Variants in MKKS observed in about 807,000 individuals in gnomAD.
MKKS encodes the protein MKKS centrosomal shuttling protein, also known as molecular chaperone MKKS.
MKKS carries 29 observed loss-of-function variants against 33.2 expected under a neutral mutation model. The observed-to-expected ratio is 0.87, with a 90% CI of 0.65 to 1.19. The LOEUF is 1.19. Ranked by LOEUF, MKKS falls within the 50% of genes most tolerant of loss-of-function variation. The pLI is 0.00. For missense variants in MKKS, 661 were observed against 662.3 expected (o/e 1.00, Z 0.02); for synonymous variants, 260 against 244.0 (o/e 1.07, Z -0.61).
At chr20:10,406,754 A>AC (rs113612087) in intron 5 of MKKS, among the ~76,000 whole-genome samples, 21,992 of 152,196 alleles carry the variant, frequency 0.14, 1,777 homozygotes, top group East Asian at 0.24. Flanking sequence ...TCTCTAGTTT[A>AC]TCAATTCCAT....
At chr20:10,427,930 G>A (rs1198986173) in intron 1 of MKKS, among the ~76,000 whole-genome samples, 6 of 152,210 alleles carry the variant, frequency 3.9e-5, no homozygotes, top group East Asian at 3.8e-4. Flanking sequence ...TGCTAACAGC[G>A]TAACTGAGTC....
chr20:10,408,755 C>T lies in MKKS; in HGVS notation c.1034G>A (p.Gly345Glu), dbSNP rs779116830. The T allele has an allele frequency of 7.4e-6, 12 of 1,613,828 alleles. No homozygotes were observed. In the South Asian group the frequency reaches 7.7e-5, roughly 10 times the overall value. The change falls in exon 4 of 6, where the codon GGA (glycine) becomes GAA (glutamate). Residue 345 changes from glycine to glutamate, a missense_variant. Gly to Glu is a moderately conservative substitution (Grantham distance 98). Coordinates refer to ENST00000347364, the MANE Select transcript of MKKS (RefSeq NM_170784.3). ...SLGSICPNSY[G>E]SVKDVCTAKF... ...TGCAGTGCACACATCTTTCACACTT[C>T]CATAACTATTAGGACATATTGAGCC... is the stretch of plus-strand genomic sequence containing the variant.
In MKKS at chr20:10,413,044, T is replaced by C; in HGVS notation, c.471A>G (p.Ile157Met). ...TQILLCLVRS[I>M]LTSKPACMLT... The stretch of plus-strand genomic sequence containing the variant: ...GCATACAGGCAGGTTTACTTGTTAA[T>C]ATACTACGCACCAAACAAAGGAGGA... Residue 157 changes from isoleucine (I) to methionine (M), a missense_variant, in exon 3 of 6, where the codon ATA becomes ATG. Coordinates refer to ENST00000347364, the MANE Select transcript of MKKS (RefSeq NM_170784.3). 6.2e-7 allele frequency: 1 copy of C among 1,614,062 alleles called. No homozygotes were observed. The highest frequency in any genetic ancestry group is 1.3e-5 in the African/African-American group (1 of 75,052).
Position 10,413,628 on chromosome 20 carries a change from G to T in MKKS, c.-114C>A, listed in dbSNP as rs1266242423. 2 of 1,187,468 alleles carry T rather than the reference G, an allele frequency of 1.7e-6. No homozygotes were observed. The highest frequency in any genetic ancestry group is 1.8e-5 in the Admixed American group (1 of 56,672). The allele number at this position is 1,187,468 out of a possible 1,614,324, so 73.6% of individuals were successfully genotyped here. On this transcript the variant is annotated 5_prime_UTR_variant, in exon 3 of 6. Transcript: ENST00000347364. ...AATTATTCTTTAGGAATTAAAGTAT[G>T]AATATGCAGCATTGTGGCTATAAAA... is the stretch of plus-strand genomic sequence containing the variant.
At chr20:10,429,783 A>G (rs6077783) in intron 1 of MKKS, among the ~76,000 whole-genome samples, 72,781 of 151,932 alleles carry the variant, frequency 0.48, 18,297 homozygotes, top group Non-Finnish European at 0.56. Flanking sequence ...TCCTTGCTTC[A>G]ATTCCAGTAG....
intron 1 of MKKS, among the ~76,000 whole-genome samples, chr20:10,433,883 C>T (rs949489087): frequency 2.0e-5 from 3 of 152,226 alleles, no homozygotes; most frequent in Non-Finnish European, 4.4e-5. Flanking sequence ...TCCTCGCCGC[C>T]CGCATCCGTG....
At chr20:10,432,702 G>A (rs1170196344) in intron 1 of MKKS, among the ~76,000 whole-genome samples, 1 of 146,858 alleles carries the variant, frequency 6.8e-6, no homozygotes, top group Non-Finnish European at 1.5e-5. Flanking sequence ...GGCTAAGGCA[G>A]GGAGAATTGC....
intron 1 of MKKS, among the ~76,000 whole-genome samples, chr20:10,429,758 C>G (rs141528691): frequency 1.3e-5 from 2 of 152,132 alleles, no homozygotes; most frequent in African/African-American, 4.8e-5. Flanking sequence ...CAGACCCTCG[C>G]GCCCTCACAT....
chr20:10,409,181 G>A (rs971870142), intron 3 of MKKS, among the ~76,000 whole-genome samples: 4 of 151,612 alleles, frequency 2.6e-5, no homozygotes, highest in South Asian at 2.1e-4. Context: ...TTTGGATTAC[G>A]GGTGATGTGA....
chr20:10,430,650 T>C (rs1483090172), intron 1 of MKKS, among the ~76,000 whole-genome samples: 2 of 152,146 alleles, frequency 1.3e-5, no homozygotes, highest in Non-Finnish European at 2.9e-5. Flanking sequence ...CAGAGGTCTT[T>C]GGGGTTTGAC....
At chr20:10,423,827 T>G (rs973247401) in intron 1 of MKKS, among the ~76,000 whole-genome samples, 4 of 152,232 alleles carry the variant, frequency 2.6e-5, no homozygotes, top group Admixed American at 2.0e-4. Context: ...CTATTTTAAC[T>G]GAAAACTCTA....
At position 10,403,857 on chromosome 20, in the gene MKKS, G is replaced by C. The variant is rs2064824191; in HGVS notation, c.*1390C>G. ...AAATATTTTATGAGACTTCAGGTGG[G>C]GCTGATACCTAACATATATGGATGG... On this transcript the variant is annotated 3_prime_UTR_variant, in exon 6 of 6. Coordinates refer to ENST00000347364, the MANE Select transcript of MKKS (RefSeq NM_170784.3). 6.6e-6 allele frequency: 1 copy of C among 152,140 alleles called. No individual in the cohort carries two copies. The highest frequency in any genetic ancestry group is 2.1e-4 in the South Asian group (1 of 4,824). 9.4% of individuals were successfully genotyped at this position (152,140 alleles called of 1,614,324 possible). A position where few individuals can be genotyped will look rare whatever the true frequency, so the allele number is the denominator to read the frequency against.
intron 1 of MKKS, among the ~76,000 whole-genome samples, chr20:10,421,825 A>G (rs1244183500): frequency 6.6e-6 from 1 of 151,886 alleles, no homozygotes; most frequent in Non-Finnish European, 1.5e-5. Context: ...AGTAGGGCCC[A>G]GAAAGATGCT....
rs886056502 is a variant in MKKS at position 10,420,591 on chromosome 20, A to T, written c.-481T>A. ...TCTTCTGAAGATTTGAAAGTCCCAG[A>T]CTATCTTGCTCAGGAATGTCGTCGT... On this transcript the variant is annotated 5_prime_UTR_variant, in exon 2 of 6. Transcript: ENST00000347364. The T allele has an allele frequency of 6.6e-6, 1 of 152,234 alleles. No homozygotes were observed. The highest frequency in any genetic ancestry group is 6.5e-5 in the Admixed American group (1 of 15,278). The allele number at this position is 152,234 out of a possible 1,614,324, so 9.4% of individuals were successfully genotyped here. A position where few individuals can be genotyped will look rare whatever the true frequency, so the allele number is the denominator to read the frequency against.
rs966281383 is a variant in MKKS, at chr20:10,413,161, T to C, written c.354A>G (p.Arg118=). ...AAAGACTCAAAAGATGTTTATTTAA[T>C]CTAATGACAGTGGTGGGTGTCAAGC... ...RLGLTPTTVI[R]LNKHLLSLCI... Residue 118 remains arginine, a synonymous_variant, in exon 3 of 6, where the codon AGA becomes AGG. Coordinates refer to ENST00000347364, the MANE Select transcript of MKKS (RefSeq NM_170784.3). 6.2e-7 allele frequency: 1 copy of C among 1,614,080 alleles called. No individual in the cohort carries two copies. Among genetic ancestry groups the C allele is most frequent in the African/African-American group, 1.3e-5 (1 of 74,944 alleles).
chr20:10,423,334 T>C (rs536471597), intron 1 of MKKS, among the ~76,000 whole-genome samples: 1 of 151,978 alleles, frequency 6.6e-6, no homozygotes, highest in East Asian at 1.9e-4. Context: ...GGTAGGAGGA[T>C]CGCTTGGACC....
At chr20:10,424,144 CTG>C (rs980061657) in intron 1 of MKKS, among the ~76,000 whole-genome samples, 84 of 152,208 alleles carry the variant, frequency 5.5e-4, no homozygotes, top group African/African-American at 2.0e-3. Flanking sequence ...AAGTATCACA[CTG>C]TACATATAAT....
Position 10,413,589 on chromosome 20 carries a change from G to T in MKKS, c.-75C>A, listed in dbSNP as rs1017709078. On this transcript the variant is annotated 5_prime_UTR_variant, in exon 3 of 6. Coordinates refer to ENST00000347364, the MANE Select transcript of MKKS (RefSeq NM_170784.3). ...ATTTTTCTATTTATTGCATTATCAC[G>T]TTTTAACATTAAAAATTATTCTTTA... 2 of 1,482,788 alleles carry T rather than the reference G, an allele frequency of 1.3e-6. No homozygotes were observed. Among genetic ancestry groups the T allele is most frequent in the Non-Finnish European group, 9.4e-7 (1 of 1,066,814 alleles). 91.9% of individuals were successfully genotyped at this position (1,482,788 alleles called of 1,614,324 possible).
At chr20:10,422,888 T>G (rs2064991154) in intron 1 of MKKS, among the ~76,000 whole-genome samples, 1 of 151,898 alleles carries the variant, frequency 6.6e-6, no homozygotes, top group African/African-American at 2.4e-5. Flanking sequence ...ATTTTTTGTA[T>G]TTTTAGTAGA....
Sources: allele counts gnomAD v4.1 joint callset (sites outside exome capture counted in the v4.1 genomes callset), GRCh38; gene constraint gnomAD v4.1.1; transcripts MANE v1.5; gene names NCBI Gene and HGNC (gene_info 2026-07-23, HGNC 2026-07-21).